The following ENTREP2 variants were observed in gnomAD, a reference collection of about 807,000 sequenced individuals.
ENTREP2 encodes endosomal transmembrane epsin interactor 2, also known as protein ENTREP2.
chr15:29,529,146 G>A, the ENTREP2 span, among the ~76,000 whole-genome samples: 1 of 149,550 alleles, frequency 6.7e-6, no homozygotes, highest in South Asian at 2.2e-4. Context: ...GTCCGGTCAA[G>A]GAGCTGTGGG....
At chr15:29,598,436 G>A in the ENTREP2 span, among the ~76,000 whole-genome samples, 1 of 152,162 alleles carries the variant, frequency 6.6e-6, no homozygotes, top group African/African-American at 2.4e-5. Context: ...TATTGATTCA[G>A]AAATTTTATT....
the ENTREP2 span, among the ~76,000 whole-genome samples, chr15:29,538,355 G>A: frequency 6.6e-6 from 1 of 152,146 alleles, no homozygotes; most frequent in African/African-American, 2.4e-5. Flanking sequence ...AAGGAGAGAA[G>A]AGCCAGAGAG....
the ENTREP2 span, among the ~76,000 whole-genome samples, chr15:29,633,914 G>A: frequency 3.3e-5 from 5 of 152,086 alleles, no homozygotes; most frequent in African/African-American, 4.8e-5. Flanking sequence ...AGTCGAGATC[G>A]TGCCTCTGCA....
chr15:29,570,366 C>G, the ENTREP2 span: 74 of 438,820 alleles, frequency 1.7e-4, no homozygotes, highest in South Asian at 8.6e-3. Context: ...TCGAACTGCG[C>G]CCCGCGCTGC....
At chr15:29,171,613 T>C in the ENTREP2 span, among the ~76,000 whole-genome samples, 1 of 152,160 alleles carries the variant, frequency 6.6e-6, no homozygotes, top group Admixed American at 6.5e-5. Flanking sequence ...ATGAAAATAT[T>C]GTATTTATAT....
the ENTREP2 span, among the ~76,000 whole-genome samples, chr15:29,259,981 C>A: frequency 6.6e-6 from 1 of 152,260 alleles, no homozygotes; most frequent in South Asian, 2.1e-4. Context: ...TAACTGGTGT[C>A]CAGCTTTGTG....
chr15:29,648,435 A>G, the ENTREP2 span, among the ~76,000 whole-genome samples: 5 of 152,140 alleles, frequency 3.3e-5, no homozygotes, highest in South Asian at 8.3e-4. Flanking sequence ...TTGGTCTCTC[A>G]TGTTACCCAC....
chr15:29,459,423 C>A, the ENTREP2 span, among the ~76,000 whole-genome samples: 2 of 152,144 alleles, frequency 1.3e-5, no homozygotes, highest in African/African-American at 4.8e-5. Flanking sequence ...CTCTAGGGAG[C>A]AATGTAAGCA....
chr15:29,585,639 G>A, the ENTREP2 span, among the ~76,000 whole-genome samples: 4 of 152,104 alleles, frequency 2.6e-5, no homozygotes, highest in African/African-American at 7.2e-5. Flanking sequence ...GGCAGATCAC[G>A]AGGTCAGGAG....
chr15:29,135,382 G>T, the ENTREP2 span, among the ~76,000 whole-genome samples: 7 of 152,068 alleles, frequency 4.6e-5, no homozygotes, highest in African/African-American at 1.7e-4. The surrounding 1 kb of genome is among the most constrained non-coding windows in gnomAD (Gnocchi z 7.4). Context: ...GTGAGCTGTC[G>T]ATTTGGTCTA....
chr15:29,347,862 G>A, the ENTREP2 span, among the ~76,000 whole-genome samples: 2 of 152,200 alleles, frequency 1.3e-5, no homozygotes, highest in Non-Finnish European at 2.9e-5. Flanking sequence ...GTATCTGCGA[G>A]GCAGAGGTCA....
the ENTREP2 span, among the ~76,000 whole-genome samples, chr15:29,297,024 C>A: frequency 6.7e-6 from 1 of 149,764 alleles, no homozygotes; most frequent in Admixed American, 6.6e-5. Context: ...TTTACCAACC[C>A]CTGCTGGAAA....
the ENTREP2 span, among the ~76,000 whole-genome samples, chr15:29,655,664 G>T: frequency 8.0e-3 from 1,222 of 152,184 alleles, 12 homozygotes; most frequent in African/African-American, 0.022. Context: ...AGCCAATCAT[G>T]AATTTCAACT....
At chr15:29,651,520 A>G in the ENTREP2 span, among the ~76,000 whole-genome samples, 1 of 152,268 alleles carries the variant, frequency 6.6e-6, no homozygotes, top group South Asian at 2.1e-4. Flanking sequence ...GTACCTCTGC[A>G]GCTGCCCTCC....
the ENTREP2 span, among the ~76,000 whole-genome samples, chr15:29,204,522 G>A: frequency 6.6e-6 from 1 of 152,108 alleles, no homozygotes; most frequent in African/African-American, 2.4e-5. Flanking sequence ...AGCCTGTTTC[G>A]AGGAGGAAGG....
chr15:29,335,636 C>G, the ENTREP2 span, among the ~76,000 whole-genome samples: 63 of 152,290 alleles, frequency 4.1e-4, no homozygotes, highest in African/African-American at 1.5e-3. Flanking sequence ...GAAATACGGG[C>G]TCTTCTGATT....
the ENTREP2 span, among the ~76,000 whole-genome samples, chr15:29,490,070 C>T: frequency 1.3e-5 from 2 of 152,184 alleles, no homozygotes; most frequent in Admixed American, 1.3e-4. Flanking sequence ...GGTCCATTCT[C>T]GCTCTCCAGT....
the ENTREP2 span, chr15:29,120,892 T>G: frequency 0.69 from 105,268 of 152,240 alleles, 39,359 homozygotes; most frequent in Middle Eastern, 0.88. Context: ...GACCACAGCT[T>G]CTGGGTCAAG....
At chr15:29,297,264 A>G in the ENTREP2 span, among the ~76,000 whole-genome samples, 1 of 152,196 alleles carries the variant, frequency 6.6e-6, no homozygotes, top group Non-Finnish European at 1.5e-5. Flanking sequence ...AGAGACACTG[A>G]CAAAAGACAT....
Sources: gnomAD v4.1 joint callset for allele counts (sites outside exome capture counted in the v4.1 genomes callset) on GRCh38, gnomAD v4.1.1 for gene constraint, Gnocchi (gnomAD v3.1) non-coding constraint, MANE v1.5 for transcripts, NCBI Gene and HGNC (gene_info 2026-07-23, HGNC 2026-07-21) for gene names.